DCAF12: variants seen among roughly 807,000 people sequenced by gnomAD.
The protein encoded by DCAF12 is DDB1- and CUL4-associated factor 12.
DCAF12 carries 28 observed loss-of-function variants against 52.8 expected under a neutral mutation model. The ratio of observed to expected loss-of-function variants is 0.53; its 90% CI spans 0.39 to 0.73. The LOEUF (loss-of-function observed/expected upper bound fraction) is 0.73, where lower values mean the gene tolerates loss of function less well. Among genes scored for constraint, DCAF12 ranks in the 30% least tolerant of loss-of-function variants. The pLI, the probability that DCAF12 is intolerant of heterozygous loss-of-function variation, is 0.00. For missense variants in DCAF12, 425 were observed against 552.2 expected (o/e 0.77, Z 2.31); for synonymous variants, 196 against 215.5 (o/e 0.91, Z 0.79).
At chr9:34,124,274 C>A (rs1182639894) in intron 2 of DCAF12, among the ~76,000 whole-genome samples, 1 of 152,174 alleles carries the variant, frequency 6.6e-6, no homozygotes, top group Non-Finnish European at 1.5e-5. Context: ...ATTTCCCACC[C>A]CTAGGCCCTA....
At chr9:34,093,797 C>A in intron 6 of DCAF12, 1 of 223,914 alleles carries the variant, frequency 4.5e-6, no homozygotes, top group South Asian at 7.0e-5. Context: ...CATAGTCCCA[C>A]TCTGTTCTGT....
intron 2 of DCAF12, among the ~76,000 whole-genome samples, chr9:34,123,461 T>C (rs1829204590): frequency 6.6e-6 from 1 of 152,068 alleles, no homozygotes; most frequent in African/African-American, 2.4e-5. Flanking sequence ...AAGGGAATCA[T>C]TTGCCCAATG....
In DCAF12 at chr9:34,125,155, C is replaced by G. The variant is rs1408884377; in HGVS notation, c.201G>C (p.Leu67Phe). Reference sequence around the variant, plus strand: ...GAAGTTGCTGTGCTGCATAACCATGCAACACTCGAGAGTAGCTGGTTTCAT... The same window carrying G: ...GAAGTTGCTGTGCTGCATAACCATGGAACACTCGAGAGTAGCTGGTTTCAT... ...LQNETSYSRV[L>F]HGYAAQQLPS... Residue 67 changes from leucine to phenylalanine, a missense_variant, in exon 2 of 9, where the codon TTG (leucine) becomes TTC (phenylalanine). By Grantham distance (22) the Leu-to-Phe change is conservative. This residue lies in a region of DCAF12 where 89 missense variants were observed against 84.9 expected (regional missense o/e 1.05). Transcript: ENST00000361264. 4 of 1,614,154 alleles carry G rather than the reference C, an allele frequency of 2.5e-6. No individual in the cohort carries two copies. In the South Asian group the frequency reaches 4.4e-5, roughly 18 times the overall value.
At chr9:34,110,584 T>C (rs1224298746) in intron 2 of DCAF12, among the ~76,000 whole-genome samples, 1 of 152,194 alleles carries the variant, frequency 6.6e-6, no homozygotes, top group Non-Finnish European at 1.5e-5. Context: ...TCTGAGATAC[T>C]TAGCATGGCA....
chr9:34,120,844 C>T (rs1439254062), intron 2 of DCAF12, among the ~76,000 whole-genome samples: 1 of 151,898 alleles, frequency 6.6e-6, no homozygotes, highest in Non-Finnish European at 1.5e-5. Context: ...TATAATCATA[C>T]CTGAACACAG....
intron 5 of DCAF12, among the ~76,000 whole-genome samples, chr9:34,097,677 A>T (rs1389330783): frequency 6.6e-6 from 1 of 152,150 alleles, no homozygotes; most frequent in Non-Finnish European, 1.5e-5. Flanking sequence ...TCACGCCTGT[A>T]ATCCCAGAAC....
chr9:34,120,964 G>A (rs1048072202), intron 2 of DCAF12, among the ~76,000 whole-genome samples: 2 of 152,046 alleles, frequency 1.3e-5, no homozygotes, highest in Non-Finnish European at 2.9e-5. Context: ...GACCAGCCTG[G>A]CCAACATGGT....
At position 34,126,639 on chromosome 9, in the gene DCAF12, G is replaced by A. The variant is rs1829256259; in HGVS notation, c.-208C>T. 11 of 610,322 alleles carry A rather than the reference G, an allele frequency of 1.8e-5. No homozygotes were observed. In the South Asian group the frequency reaches 2.2e-4, roughly 12 times the overall value. 37.8% of individuals were successfully genotyped at this position (610,322 alleles called of 1,614,324 possible). The stretch of plus-strand genomic sequence containing the variant: ...GGACTTGAGCCGGGAAAGGGAAGGG[G>A]AAGCGAGAATGAGCGGCTTTCCGAC... On this transcript the variant is annotated 5_prime_UTR_variant, in exon 1 of 9. Coordinates refer to ENST00000361264, the MANE Select transcript of DCAF12 (RefSeq NM_015397.4).
In DCAF12 at chr9:34,125,045, A is replaced by C; in HGVS notation, c.311T>G (p.Val104Gly). ...ASQWLNHRQV[V>G]CGTKCNTLFV... ...TACCGTGTTGCATTTTGTGCCACAC[A>C]CCACTTGCCTATGATTCAACCACTG... Residue 104 changes from valine to glycine, a missense_variant, in exon 2 of 9, where the codon GTG becomes GGG. This residue lies in a region of DCAF12 where 328 missense variants were observed against 444.4 expected (regional missense o/e 0.74). Coordinates refer to ENST00000361264, the MANE Select transcript of DCAF12 (RefSeq NM_015397.4). 6.2e-7 allele frequency: 1 copy of C among 1,613,494 alleles called. No homozygotes were observed.
In DCAF12 at chr9:34,093,490, G is replaced by C. The variant is rs755499036; in HGVS notation, c.862-42C>G. ...GATATAACCATGGCATCAGCAGAGA[G>C]GGTAAGGCAGGGATATTGTTTCTGG... On this transcript the variant is annotated intron_variant, in intron 6 of 8. Transcript: ENST00000361264. The C allele has an allele frequency of 9.4e-6, 15 of 1,602,440 alleles. No homozygotes were observed. In the East Asian group the frequency reaches 3.4e-4, roughly 36 times the overall value.
intron 2 of DCAF12, among the ~76,000 whole-genome samples, chr9:34,122,464 T>C (rs1269040914): frequency 1.3e-5 from 2 of 151,000 alleles, no homozygotes; most frequent in Non-Finnish European, 2.9e-5. Flanking sequence ...GTTCAAGACA[T>C]TAGTATCAAT....
intron 1 of DCAF12, among the ~76,000 whole-genome samples, 154 bp downstream of exon 1, chr9:34,126,200 G>T (rs181713779): frequency 1.6e-4 from 24 of 152,282 alleles, no homozygotes; most frequent in Non-Finnish European, 2.6e-4. Flanking sequence ...CAGTTAACGA[G>T]GGTCCAGTCC....
At position 34,096,726 on chromosome 9, in the gene DCAF12, G is replaced by T. The variant is rs761504714; in HGVS notation, c.851C>A (p.Thr284Lys). Reference protein sequence around the residue: ...GYFHLWKAENTLSKLLSTKLP... With the variant: ...GYFHLWKAENKLSKLLSTKLP... The stretch of plus-strand genomic sequence containing the variant: ...TCATGTTCATCACACCTTAGATAGT[G>T]TATTTTCAGCCTTCCAGAGATGAAA... Residue 284 changes from threonine (T) to lysine (K), a missense_variant, in exon 6 of 9, where the codon ACA becomes AAA. Around this residue, in one of 3 missense-constraint regions of DCAF12, gnomAD observed 328 missense variants for 444.4 expected, o/e 0.74. Coordinates refer to ENST00000361264, the MANE Select transcript of DCAF12 (RefSeq NM_015397.4). 2 of 1,613,890 alleles carry T rather than the reference G, an allele frequency of 1.2e-6. No homozygotes were observed. The highest frequency in any genetic ancestry group is 1.1e-5 in the South Asian group (1 of 91,080).
intron 2 of DCAF12, among the ~76,000 whole-genome samples, chr9:34,118,454 T>A (rs1208392843): frequency 6.6e-6 from 1 of 152,044 alleles, no homozygotes; most frequent in East Asian, 1.9e-4. Context: ...TTCTATATAC[T>A]CAAGGATGCT....
At chr9:34,098,570 A>G (rs1254777093) in intron 4 of DCAF12, 53 bp from the exon 5 acceptor site, 13 of 1,548,086 alleles carry the variant, frequency 8.4e-6, no homozygotes, top group Non-Finnish European at 8.8e-6. Flanking sequence ...TCTATGGGAA[A>G]TCCCACAGAC....
chr9:34,098,320 A>G lies in DCAF12; in HGVS notation c.795+4T>C. ...ACGTCAGGGATCCCTACACAAGTTC[A>G]TACCTTGTTCTTGTTGTTGAAGGCC... is the stretch of plus-strand genomic sequence containing the variant. On this transcript the variant is annotated splice_donor_region_variant and intron_variant, in intron 5 of 8. Coordinates refer to ENST00000361264, the MANE Select transcript of DCAF12 (RefSeq NM_015397.4). The G allele has an allele frequency of 6.2e-7, 1 of 1,613,430 alleles. No individual in the cohort carries two copies. The highest frequency in any genetic ancestry group is 8.5e-7 in the Non-Finnish European group (1 of 1,179,632).
At chr9:34,108,859 T>G (rs545904177) in intron 2 of DCAF12, among the ~76,000 whole-genome samples, 3 of 149,096 alleles carry the variant, frequency 2.0e-5, no homozygotes, top group South Asian at 4.2e-4. Flanking sequence ...GGCAAGTGCC[T>G]GTAGTCCCAA....
chr9:34,113,847 G>A (rs1430243209), intron 2 of DCAF12, among the ~76,000 whole-genome samples: 2 of 152,116 alleles, frequency 1.3e-5, no homozygotes, highest in East Asian at 3.9e-4. Flanking sequence ...AGTGGCTCAT[G>A]CCTGTAATCC....
At chr9:34,120,847 G>A (rs1829162725) in intron 2 of DCAF12, among the ~76,000 whole-genome samples, 1 of 151,764 alleles carries the variant, frequency 6.6e-6, no homozygotes, top group Non-Finnish European at 1.5e-5. Context: ...AATCATACCT[G>A]AACACAGACC....
Sources: allele counts gnomAD v4.1 joint callset (sites outside exome capture counted in the v4.1 genomes callset), GRCh38; gene constraint gnomAD v4.1.1; regional missense constraint gnomAD v4.1.1; transcripts MANE v1.5; gene names NCBI Gene and HGNC (gene_info 2026-07-23, HGNC 2026-07-21).